RAB14: variants seen among roughly 807,000 people sequenced by gnomAD.
RAB14 encodes ras-related protein Rab-14.
A neutral mutation model predicts 31.1 loss-of-function variants in RAB14; 3 were observed. The ratio of observed to expected loss-of-function variants is 0.10; its 90% CI spans 0.04 to 0.25. The LOEUF is 0.25. Among genes scored for constraint, RAB14 ranks in the 10% least tolerant of loss-of-function variants. The pLI, the probability that RAB14 is intolerant of heterozygous loss-of-function variation, is 1.00. For synonymous variants in RAB14, 85 were observed against 84.9 expected (o/e 1.00, Z 0.00); for missense variants, 111 against 260.1 (o/e 0.43, Z 3.94).
Position 121,183,342 on chromosome 9 carries a change from A to G in RAB14, c.408T>C (p.Tyr136=). Residue 136 remains tyrosine (Y), a synonymous_variant, in exon 6 of 8, where the codon TAT becomes TAC. Transcript: ENST00000373840. The stretch of plus-strand genomic sequence containing the variant: ...CTTCAGCAAACTGTTTGGCTTCTTC[A>G]TATGTAACATCTCTCTGTGCCTCCA... ...ADLEAQRDVT[Y]EEAKQFAEEN... The G allele has an allele frequency of 6.2e-7, 1 of 1,611,096 alleles. No individual in the cohort carries two copies. Among genetic ancestry groups the G allele is most frequent in the Non-Finnish European group, 8.5e-7 (1 of 1,178,150 alleles).
intron 1 of RAB14, among the ~76,000 whole-genome samples, chr9:121,201,130 G>A (rs1381944023): frequency 6.6e-6 from 1 of 152,098 alleles, no homozygotes; most frequent in African/African-American, 2.4e-5. Flanking sequence ...GCTGCCCCGA[G>A]ACGCCAAGAG....
At position 121,178,689 on chromosome 9, in the gene RAB14, CA is replaced by C. The variant is rs112121957; in HGVS notation, c.*2706del. The C allele has an allele frequency of 0.015, 2,258 of 150,142 alleles. 54 individuals carry two copies. Among genetic ancestry groups the C allele is most frequent in the African/African-American group, 0.053 (2,174 of 41,040 alleles). The allele number at this position is 150,142 out of a possible 1,614,324, so 9.3% of individuals were successfully genotyped here. A position where few individuals can be genotyped will look rare whatever the true frequency, so the allele number is the denominator to read the frequency against. ...CTCTATTAACGTGTAAACCACCAAC[CA>C]AAAAAAAATAATAAGTTACTCCATC... On this transcript the variant is annotated 3_prime_UTR_variant, in exon 8 of 8. Coordinates refer to ENST00000373840, the MANE Select transcript of RAB14 (RefSeq NM_016322.4).
intron 1 of RAB14, among the ~76,000 whole-genome samples, chr9:121,199,339 GAAT>G (rs763579217): frequency 5.9e-5 from 9 of 152,172 alleles, no homozygotes; most frequent in Non-Finnish European, 1.2e-4. Context: ...AAATTGTCTA[GAAT>G]AAGAAGCTTT....
chr9:121,190,846 T>TAA, intron 3 of RAB14, 115 bp from the exon 4 acceptor site: 1 of 987,802 alleles, frequency 1.0e-6, no homozygotes, highest in South Asian at 1.8e-5. Context: ...AGGCTATAAA[T>TAA]AGACTAAAGC....
intron 5 of RAB14, among the ~76,000 whole-genome samples, chr9:121,185,322 G>A (rs1332169504): frequency 6.6e-6 from 1 of 152,132 alleles, no homozygotes; most frequent in African/African-American, 2.4e-5. Context: ...ATGGTAGGAT[G>A]TTATGTAACT....
At chr9:121,192,280 T>C in intron 2 of RAB14, 56 bp from the exon 3 acceptor site, 2 of 1,333,780 alleles carry the variant, frequency 1.5e-6, no homozygotes, top group Non-Finnish European at 2.1e-6. Context: ...TTTTATGCAA[T>C]GATCGCTATA....
At chr9:121,190,997 A>C (rs2053683411) in intron 3 of RAB14, among the ~76,000 whole-genome samples, 1 of 152,172 alleles carries the variant, frequency 6.6e-6, no homozygotes, top group Non-Finnish European at 1.5e-5. Flanking sequence ...GGTCTTTGTC[A>C]CAAACTACTC....
chr9:121,194,245 T>C (rs1459961671), intron 1 of RAB14, among the ~76,000 whole-genome samples: 1 of 151,976 alleles, frequency 6.6e-6, no homozygotes, highest in African/African-American at 2.4e-5. Context: ...CCCAGCCAGA[T>C]TAACAACATA....
chr9:121,198,020 A>AACACACACAC (rs58467154), intron 1 of RAB14, among the ~76,000 whole-genome samples: 25 of 149,960 alleles, frequency 1.7e-4, no homozygotes, highest in South Asian at 8.5e-4. Flanking sequence ...CCCACTTTCA[A>AACACACACAC]ACACACACAC....
intron 1 of RAB14, among the ~76,000 whole-genome samples, chr9:121,196,509 C>T (rs553066869): frequency 6.6e-6 from 1 of 152,106 alleles, no homozygotes; most frequent in East Asian, 1.9e-4. Flanking sequence ...AATTATTATC[C>T]TCATTTTACA....
At chr9:121,198,163 T>A (rs2053729125) in intron 1 of RAB14, among the ~76,000 whole-genome samples, 1 of 151,700 alleles carries the variant, frequency 6.6e-6, no homozygotes, top group Non-Finnish European at 1.5e-5. Flanking sequence ...ACTGACTTAC[T>A]ATAATGAATT....
Position 121,179,987 on chromosome 9 carries a change from C to G in RAB14, c.*1409G>C, listed in dbSNP as rs1216329130. On this transcript the variant is annotated 3_prime_UTR_variant, in exon 8 of 8. Coordinates refer to ENST00000373840, the MANE Select transcript of RAB14 (RefSeq NM_016322.4). Reference sequence around the variant, plus strand: ...TGAAGAACTTAATAAAACATGTTGTCCAAAAAAATAAGATTGTTTCTCTTG... The same window carrying G: ...TGAAGAACTTAATAAAACATGTTGTGCAAAAAAATAAGATTGTTTCTCTTG... The G allele has an allele frequency of 1.3e-5, 2 of 152,630 alleles. No individual in the cohort carries two copies. The highest frequency in any genetic ancestry group is 3.9e-4 in the East Asian group (2 of 5,178). The allele number at this position is 152,630 out of a possible 1,614,324, so 9.5% of individuals were successfully genotyped here. A position where few individuals can be genotyped will look rare whatever the true frequency, so the allele number is the denominator to read the frequency against.
intron 1 of RAB14, among the ~76,000 whole-genome samples, chr9:121,193,993 G>A (rs547630311): frequency 6.6e-6 from 1 of 152,128 alleles, no homozygotes; most frequent in South Asian, 2.1e-4. Context: ...GTTGGAACTA[G>A]ACTGAATCAC....
intron 1 of RAB14, among the ~76,000 whole-genome samples, chr9:121,194,090 T>TCTCA (rs762438919): frequency 4.2e-5 from 6 of 141,296 alleles, no homozygotes; most frequent in African/African-American, 1.4e-4. Flanking sequence ...TTGCAGATTA[T>TCTCA]CACTCACACA....
intron 1 of RAB14, among the ~76,000 whole-genome samples, chr9:121,196,637 T>C (rs1172816063): frequency 6.6e-6 from 1 of 152,094 alleles, no homozygotes; most frequent in Non-Finnish European, 1.5e-5. Context: ...TCCTGCCCTC[T>C]CCACCGTCGT....
intron 1 of RAB14, among the ~76,000 whole-genome samples, chr9:121,198,423 T>C (rs2053730759): frequency 6.6e-6 from 1 of 152,218 alleles, no homozygotes; most frequent in Admixed American, 6.5e-5. Context: ...AACTACTTAC[T>C]GTTTGCTCTG....
At chr9:121,183,450 C>A in intron 5 of RAB14, 52 bp from the exon 6 acceptor site, 1 of 1,388,398 alleles carries the variant, frequency 7.2e-7, no homozygotes, top group Non-Finnish European at 1.0e-6. Flanking sequence ...GTAATTTAAA[C>A]CAACCATGCA....
chr9:121,198,802 G>A (rs917805047), intron 1 of RAB14, among the ~76,000 whole-genome samples: 8 of 152,144 alleles, frequency 5.3e-5, no homozygotes, highest in Admixed American at 4.6e-4. Context: ...ACTTGCTTTA[G>A]AGGCCCACTA....
chr9:121,198,242 T>C (rs556076264), intron 1 of RAB14, among the ~76,000 whole-genome samples: 4 of 152,180 alleles, frequency 2.6e-5, no homozygotes, highest in Non-Finnish European at 5.9e-5. Flanking sequence ...GGTTAAAGAA[T>C]ACCCAAACAA....
Sources: gnomAD v4.1 joint callset for allele counts (sites outside exome capture counted in the v4.1 genomes callset) on GRCh38, gnomAD v4.1.1 for gene constraint, MANE v1.5 for transcripts, NCBI Gene and HGNC (gene_info 2026-07-23, HGNC 2026-07-21) for gene names.